Variants in KLHDC8A observed in about 807,000 individuals in gnomAD.
KLHDC8A encodes the protein kelch domain containing 8A.
Under a neutral mutation model 33.1 loss-of-function variants are expected in KLHDC8A, and 21 were observed. The observed-to-expected ratio is 0.64, with a 90% CI of 0.45 to 0.91. KLHDC8A has a LOEUF of 0.91. Among genes scored for constraint, KLHDC8A ranks in the 40% least tolerant of loss-of-function variants. The pLI, the probability that KLHDC8A is intolerant of heterozygous loss-of-function variation, is 0.00. For synonymous variants in KLHDC8A, 173 were observed against 193.5 expected, an observed-to-expected ratio of 0.89 and a Z score of 0.88; for missense variants, 435 against 483.3, an observed-to-expected ratio of 0.90 and a Z score of 0.94.
In KLHDC8A at chr1:205,336,375, G is replaced by A. The variant is rs1662629389; in HGVS notation, c.*1024C>T. 1.3e-5 allele frequency: 2 copies of A among 152,726 alleles called. No homozygotes were observed. The highest frequency in any genetic ancestry group is 1.3e-4 in the Admixed American group (2 of 15,300). The allele number at this position is 152,726 out of a possible 1,614,324, so 9.5% of individuals were successfully genotyped here. On this transcript the variant is annotated 3_prime_UTR_variant, in exon 6 of 6. Transcript: ENST00000367155. ...CTGGTGGTGGCTGTGAGAAGGCAGA[G>A]CTCTTCAGAGGGGACAGCCAAGAAC...
In KLHDC8A at chr1:205,352,618, G is replaced by A. The variant is rs115568242; in HGVS notation, c.-190+3915C>T. Reference sequence around the variant, plus strand: ...GACGCGTGATGAGCTGGCTGCGAGTGTGTTGTGTATATGTGTGTCTAAGAA... The same window carrying A: ...GACGCGTGATGAGCTGGCTGCGAGTATGTTGTGTATATGTGTGTCTAAGAA... On this transcript the variant is annotated intron_variant, in intron 1 of 5. Coordinates refer to ENST00000367155, the MANE Select transcript of KLHDC8A (RefSeq NM_018203.3). Among the ~76,000 whole-genome samples, 372 of 152,348 alleles carry A rather than the reference G, an allele frequency of 2.4e-3. 3 individuals are homozygous for A. The highest frequency in any genetic ancestry group is 8.3e-3 in the African/African-American group (345 of 41,576).
chr1:205,345,372 A>G (rs1408027079), intron 1 of KLHDC8A, among the ~76,000 whole-genome samples: 2 of 152,200 alleles, frequency 1.3e-5, no homozygotes, highest in African/African-American at 4.8e-5. Flanking sequence ...GTTTCTCCCA[A>G]TGGCAACATC....
chr1:205,343,102 A>T, intron 2 of KLHDC8A, 127 bp downstream of exon 2: 1 of 1,348,430 alleles, frequency 7.4e-7, no homozygotes, highest in Non-Finnish European at 1.0e-6. Context: ...TGCTGAACGC[A>T]TGGGGTCTGC....
At chr1:205,338,450 G>T in intron 5 of KLHDC8A, 45 bp downstream of exon 5, 1 of 1,458,574 alleles carries the variant, frequency 6.9e-7, no homozygotes, top group Non-Finnish European at 9.6e-7. Flanking sequence ...GATCCACTGA[G>T]CACCAGAACC....
intron 1 of KLHDC8A, among the ~76,000 whole-genome samples, chr1:205,349,873 T>C (rs76170759): frequency 0.019 from 2,903 of 152,238 alleles, 46 homozygotes; most frequent in Middle Eastern, 0.037. Context: ...CTACGTTTTG[T>C]TGTAACCGGG....
chr1:205,342,909 C>A (rs1662828537), intron 2 of KLHDC8A, among the ~76,000 whole-genome samples: 1 of 152,164 alleles, frequency 6.6e-6, no homozygotes, highest in East Asian at 1.9e-4. Flanking sequence ...GGCAGAGGGG[C>A]AGGTTGAAGG....
At chr1:205,353,128 T>C (rs2102302183) in intron 1 of KLHDC8A, among the ~76,000 whole-genome samples, 1 of 152,318 alleles carries the variant, frequency 6.6e-6, no homozygotes, top group South Asian at 2.1e-4. Flanking sequence ...AATCACAGGT[T>C]GTACCTCAGT....
intron 2 of KLHDC8A, 125 bp downstream of exon 2, chr1:205,343,103 TG>T (rs1243571735): frequency 2.2e-6 from 3 of 1,347,382 alleles, no homozygotes; most frequent in Non-Finnish European, 3.0e-6. Flanking sequence ...GCTGAACGCA[TG>T]GGGTCTGCAG....
At chr1:205,351,601 T>TAAAAAA in intron 1 of KLHDC8A, 14 of 257,830 alleles carry the variant, frequency 5.4e-5, no homozygotes, top group South Asian at 1.5e-4. Flanking sequence ...TCTGTAATAG[T>TAAAAAA]CAAAAAAAAA....
chr1:205,350,135 G>A (rs978147539), intron 1 of KLHDC8A, among the ~76,000 whole-genome samples: 7 of 152,178 alleles, frequency 4.6e-5, no homozygotes, highest in African/African-American at 1.7e-4. Context: ...TCTCACAAGC[G>A]CTGCCAGCTA....
Position 205,339,603 on chromosome 1 carries a change from G to A in KLHDC8A, c.541+41C>T, listed in dbSNP as rs1265862941. On this transcript the variant is annotated intron_variant, in intron 3 of 5. Transcript: ENST00000367155. This position sits in a 1 kb window ranked among gnomAD's most constrained non-coding sequence, Gnocchi z 5.1. Reference sequence around the variant, plus strand: ...GCTTCCTATGGGAACTGAGCCAAGGGAAGGAAGGAGGGTAGGTATAGAACA... The same window carrying A: ...GCTTCCTATGGGAACTGAGCCAAGGAAAGGAAGGAGGGTAGGTATAGAACA... The A allele has an allele frequency of 3.1e-6, 5 of 1,601,936 alleles. No individual in the cohort carries two copies. The South Asian group carries it at 4.4e-5, about 14-fold the overall frequency.
intron 2 of KLHDC8A, among the ~76,000 whole-genome samples, chr1:205,342,333 C>A (rs1351840900): frequency 6.6e-6 from 1 of 152,232 alleles, no homozygotes; most frequent in Non-Finnish European, 1.5e-5. Context: ...TTCCATCCTT[C>A]TTACTGGGAG....
At chr1:205,355,410 A>C (rs1455488268) in intron 1 of KLHDC8A, among the ~76,000 whole-genome samples, 4 of 152,172 alleles carry the variant, frequency 2.6e-5, no homozygotes, top group African/African-American at 7.2e-5. Flanking sequence ...TGATCCCTGC[A>C]GGCAAGAGTC....
At chr1:205,351,492 G>A in intron 1 of KLHDC8A, 2 of 768,516 alleles carry the variant, frequency 2.6e-6, no homozygotes, top group Non-Finnish European at 4.9e-6. Flanking sequence ...TGGCTGGTCA[G>A]CAGAGAAACC....
chr1:205,345,466 G>T (rs1443744416), intron 1 of KLHDC8A, among the ~76,000 whole-genome samples: 1 of 152,112 alleles, frequency 6.6e-6, no homozygotes, highest in East Asian at 1.9e-4. Context: ...GGCCGGGTGC[G>T]GTGGCTCATA....
rs916587421 is a variant in KLHDC8A at position 205,336,655 on chromosome 1, G to A, written c.*744C>T. 6 of 152,674 alleles carry A rather than the reference G, an allele frequency of 3.9e-5. No individual in the cohort carries two copies. Among genetic ancestry groups the A allele is most frequent in the Admixed American group, 3.9e-4 (6 of 15,284 alleles). The allele number at this position is 152,674 out of a possible 1,614,324, so 9.5% of individuals were successfully genotyped here. A position where few individuals can be genotyped will look rare whatever the true frequency, so the allele number is the denominator to read the frequency against. On this transcript the variant is annotated 3_prime_UTR_variant, in exon 6 of 6. Coordinates refer to ENST00000367155, the MANE Select transcript of KLHDC8A (RefSeq NM_018203.3). Reference sequence around the variant, plus strand: ...ACTCTGGGGGCCTTCGGTGACAAAAGGGCTAGGCCTCTGGTGGGGAGGGGG... The same window carrying A: ...ACTCTGGGGGCCTTCGGTGACAAAAAGGCTAGGCCTCTGGTGGGGAGGGGG...
chr1:205,352,875 C>T (rs1460829316), intron 1 of KLHDC8A, among the ~76,000 whole-genome samples: 1 of 152,208 alleles, frequency 6.6e-6, no homozygotes, highest in African/African-American at 2.4e-5. Flanking sequence ...CTGCTTAGCA[C>T]CCAGGAGCTG....
At position 205,356,612 on chromosome 1, in the gene KLHDC8A, C is replaced by CGG. The variant is rs973902300; in HGVS notation, c.-271_-270dup. 4.4e-6 allele frequency: 2 copies of CGG among 455,932 alleles called. No individual in the cohort carries two copies. Among genetic ancestry groups the CGG allele is most frequent in the African/African-American group, 4.0e-5 (2 of 50,062 alleles). The allele number at this position is 455,932 out of a possible 1,614,324, so 28.2% of individuals were successfully genotyped here. On this transcript the variant is annotated 5_prime_UTR_variant, in exon 1 of 6. Coordinates refer to ENST00000367155, the MANE Select transcript of KLHDC8A (RefSeq NM_018203.3). The stretch of plus-strand genomic sequence containing the variant: ...GGGGAGGGGCCGGGAGAGGGTCGAG[C>CGG]GGGTGTTGGCTCTGAGGCTTGTCCT...
chr1:205,337,432 G>A lies in KLHDC8A; in HGVS notation c.1020C>T (p.Asp340=), dbSNP rs776927130. ...AVGGVNQGLS[D]AVEALCVSDS The stretch of plus-strand genomic sequence containing the variant: ...CAGAGACACACAGGGCCTCCACTGC[G>A]TCACTCAGACCCTGGTTGACACCTC... Residue 340 remains aspartate (D), a synonymous_variant, in exon 6 of 6, where the codon GAC becomes GAT. Coordinates refer to ENST00000367155, the MANE Select transcript of KLHDC8A (RefSeq NM_018203.3). 1.0e-4 allele frequency: 164 copies of A among 1,613,728 alleles called. 1 individual carries two copies. The highest frequency in any genetic ancestry group is 6.3e-4 in the South Asian group (57 of 91,050).
Sources: allele counts gnomAD v4.1 joint callset (sites outside exome capture counted in the v4.1 genomes callset), GRCh38; gene constraint gnomAD v4.1.1; non-coding constraint Gnocchi (gnomAD v3.1); transcripts MANE v1.5; gene names NCBI Gene and HGNC (gene_info 2026-07-23, HGNC 2026-07-21).